STK3: variants seen among roughly 807,000 people sequenced by gnomAD.
STK3 encodes serine/threonine kinase 3, also known as serine/threonine-protein kinase 3.
STK3 carries 41 observed loss-of-function variants against 58.0 expected under a neutral mutation model. The ratio of observed to expected loss-of-function variants is 0.71; its 90% CI spans 0.55 to 0.92. The LOEUF (loss-of-function observed/expected upper bound fraction) is 0.92, where lower values mean the gene tolerates loss of function less well. Ranked by LOEUF, STK3 falls within the 40% of genes least tolerant of loss-of-function variation. The pLI, the probability that STK3 is intolerant of heterozygous loss-of-function variation, is 0.00. For missense variants in STK3, 479 were observed against 602.7 expected (o/e 0.79, Z 2.15); for synonymous variants, 170 against 191.0 (o/e 0.89, Z 0.91).
intron 3 of STK3, among the ~76,000 whole-genome samples, chr8:98,840,620 T>TAC (rs1835942129): frequency 7.9e-6 from 1 of 126,210 alleles, no homozygotes; most frequent in Non-Finnish European, 1.7e-5. Flanking sequence ...TATATATATA[T>TAC]ATATATATAC....
chr8:98,795,543 A>G (rs1380969712), intron 1 of STK3, among the ~76,000 whole-genome samples: 1 of 152,118 alleles, frequency 6.6e-6, no homozygotes, highest in Non-Finnish European at 1.5e-5. Context: ...CCTTGCCAGA[A>G]CAATAAGGCA....
At chr8:98,929,903 G>T (rs750426978) in intron 1 of STK3, among the ~76,000 whole-genome samples, 1 of 152,206 alleles carries the variant, frequency 6.6e-6, no homozygotes, top group African/African-American at 2.4e-5. Flanking sequence ...TCAAATAGGG[G>T]TGAGGAAGAC....
At chr8:98,419,171 G>A (rs1383189290) in intron 3 of STK3, among the ~76,000 whole-genome samples, 7 of 152,144 alleles carry the variant, frequency 4.6e-5, no homozygotes, top group Non-Finnish European at 1.0e-4. Context: ...GACCAGCCTG[G>A]CCAACATGGT....
intron 3 of STK3, among the ~76,000 whole-genome samples, chr8:98,394,698 A>G (rs939475528): frequency 6.6e-6 from 1 of 152,240 alleles, no homozygotes; most frequent in Admixed American, 6.5e-5. Context: ...GACTGCAAAG[A>G]CTAGCAGCAT....
the STK3 span, among the ~76,000 whole-genome samples, chr8:98,348,102 C>G: frequency 2.0e-5 from 3 of 152,132 alleles, no homozygotes; most frequent in Non-Finnish European, 4.4e-5. Context: ...TAAATAGACC[C>G]TCATGAATAT....
chr8:98,697,939 A>C (rs905873114), intron 6 of STK3, among the ~76,000 whole-genome samples: 20 of 152,246 alleles, frequency 1.3e-4, no homozygotes, highest in African/African-American at 4.8e-4. Context: ...TGTCTGGTTG[A>C]TCTGTCTAAT....
chr8:98,447,594 T>A (rs1286896306), intron 1 of STK3, among the ~76,000 whole-genome samples: 1 of 147,472 alleles, frequency 6.8e-6, no homozygotes, highest in Non-Finnish European at 1.5e-5. Flanking sequence ...ATATATAGTA[T>A]CTATATATTG....
chr8:98,941,499 A>G (rs1418578031), intron 1 of STK3, among the ~76,000 whole-genome samples: 1 of 152,248 alleles, frequency 6.6e-6, no homozygotes, highest in Non-Finnish European at 1.5e-5. Flanking sequence ...GGATCCCTGG[A>G]AAAAGATAAG....
At chr8:98,922,518 G>A (rs1009015280) in intron 1 of STK3, among the ~76,000 whole-genome samples, 4 of 152,196 alleles carry the variant, frequency 2.6e-5, no homozygotes, top group African/African-American at 9.7e-5. Flanking sequence ...GGACAGCGAT[G>A]GTGTTTTATT....
the STK3 span, among the ~76,000 whole-genome samples, chr8:98,359,221 A>G: frequency 6.6e-6 from 1 of 151,868 alleles, no homozygotes; most frequent in Admixed American, 6.6e-5. Flanking sequence ...AAAAGGAGAA[A>G]TGAGTGCCGG....
chr8:98,673,473 C>G (rs368343840), intron 6 of STK3, among the ~76,000 whole-genome samples: 76 of 152,124 alleles, frequency 5.0e-4, no homozygotes, highest in African/African-American at 1.5e-3. Context: ...CATAAATGAA[C>G]CTCAAAAACA....
intron 6 of STK3, among the ~76,000 whole-genome samples, chr8:98,601,281 C>T (rs183752850): frequency 1.7e-3 from 253 of 152,168 alleles, no homozygotes; most frequent in African/African-American, 5.8e-3. Context: ...TCCAGTCTGC[C>T]CCACAACCAC....
chr8:98,797,899 C>A lies in STK3; in HGVS notation c.27-23080G>T, dbSNP rs1211895636. Among the ~76,000 whole-genome samples the A allele has an allele frequency of 3.3e-5, 5 of 151,944 alleles. No individual in the cohort carries two copies. The East Asian group carries it at 9.6e-4, about 29-fold the overall frequency. On this transcript the variant is annotated intron_variant, in intron 1 of 10. Transcript: ENST00000419617. ...GCAAAAGAATGGTTGATGAAATAGA[C>A]CGAGCAGAGAAAGAAATTTTAAAAG...
At chr8:98,538,718 T>A (rs995509008) in intron 9 of STK3, among the ~76,000 whole-genome samples, 1 of 152,198 alleles carries the variant, frequency 6.6e-6, no homozygotes, top group African/African-American at 2.4e-5. Flanking sequence ...GGAAGACTAA[T>A]ATTTACATCC....
chr8:98,831,957 C>T (rs1369917351), intron 3 of STK3, among the ~76,000 whole-genome samples: 2 of 152,160 alleles, frequency 1.3e-5, no homozygotes, highest in African/African-American at 4.8e-5. Flanking sequence ...CAAGTAACAA[C>T]TCAAAATGAT....
intron 6 of STK3, among the ~76,000 whole-genome samples, chr8:98,648,958 G>A (rs1399246032): frequency 6.6e-6 from 1 of 151,020 alleles, no homozygotes; most frequent in African/African-American, 2.4e-5. Flanking sequence ...TTGGGAGGCT[G>A]AGGAAGGAAA....
chr8:98,576,209 T>C (rs1410677618), intron 8 of STK3, among the ~76,000 whole-genome samples: 1 of 152,222 alleles, frequency 6.6e-6, no homozygotes, highest in East Asian at 1.9e-4. Flanking sequence ...CAGTTGGCCA[T>C]AGATTTATGG....
chr8:98,868,881 G>T (rs543579259), intron 3 of STK3, among the ~76,000 whole-genome samples: 1 of 152,206 alleles, frequency 6.6e-6, no homozygotes, highest in South Asian at 2.1e-4. Flanking sequence ...AGAGGCTGAG[G>T]TGGGAGGATA....
At chr8:98,406,551 G>GTTTATT (rs1312135974) in intron 3 of STK3, among the ~76,000 whole-genome samples, 30 of 152,082 alleles carry the variant, frequency 2.0e-4, no homozygotes, top group Admixed American at 1.5e-3. Flanking sequence ...CCATAGTAGA[G>GTTTATT]ACTTACAGGT....
Sources: gnomAD v4.1 joint callset for allele counts (sites outside exome capture counted in the v4.1 genomes callset) on GRCh38, gnomAD v4.1.1 for gene constraint, MANE v1.5 for transcripts, NCBI Gene and HGNC (gene_info 2026-07-23, HGNC 2026-07-21) for gene names.